The following ANKDD1A variants were observed in gnomAD, a reference collection of about 807,000 sequenced individuals.
ANKDD1A encodes ankyrin repeat and death domain containing 1A, also known as ankyrin repeat and death domain-containing protein 1A.
ANKDD1A carries 59 observed loss-of-function variants against 63.5 expected under a neutral mutation model. That is an observed-to-expected ratio of 0.93 (90% CI 0.75 to 1.15). ANKDD1A has a LOEUF of 1.15. Among genes scored for constraint, ANKDD1A ranks in the 50% most tolerant of loss-of-function variants. The pLI is 0.00. For synonymous variants in ANKDD1A, 266 were observed against 263.9 expected (o/e 1.01, Z -0.08); for missense variants, 632 against 656.4 (o/e 0.96, Z 0.41).
intron 9 of ANKDD1A, among the ~76,000 whole-genome samples, chr15:64,939,313 A>T (rs2085161333): frequency 6.6e-6 from 1 of 152,146 alleles, no homozygotes; most frequent in Non-Finnish European, 1.5e-5. Flanking sequence ...CAAAAAAGAC[A>T]GAAAAAGTTT....
At chr15:64,923,453 G>A (rs1205676134) in intron 4 of ANKDD1A, among the ~76,000 whole-genome samples, 1 of 152,124 alleles carries the variant, frequency 6.6e-6, no homozygotes, top group East Asian at 1.9e-4. Context: ...TTGTAAGCCT[G>A]TGTATTTGAT....
At chr15:64,953,000 A>ACTT (rs2085328180) in intron 14 of ANKDD1A, among the ~76,000 whole-genome samples, 1 of 11,170 alleles carries the variant, frequency 9.0e-5, no homozygotes. Context: ...TCTCCTTCTT[A>ACTT]GTTCTTTCTT....
intron 6 of ANKDD1A, among the ~76,000 whole-genome samples, chr15:64,928,724 A>G (rs1293311557): frequency 6.6e-6 from 1 of 152,236 alleles, no homozygotes; most frequent in Non-Finnish European, 1.5e-5. Flanking sequence ...GTTGCTGTCA[A>G]GGCCTCACAG....
chr15:64,946,653 C>T (rs1251996981), intron 12 of ANKDD1A, among the ~76,000 whole-genome samples: 1 of 152,174 alleles, frequency 6.6e-6, no homozygotes, highest in Non-Finnish European at 1.5e-5. Flanking sequence ...ATCAGTGGTT[C>T]TTAAAGTTCC....
intron 9 of ANKDD1A, among the ~76,000 whole-genome samples, chr15:64,939,486 G>A (rs994191211): frequency 1.3e-5 from 2 of 152,080 alleles, no homozygotes; most frequent in African/African-American, 2.4e-5. Context: ...CTGGAGGCAC[G>A]TGCCTGTAGT....
chr15:64,921,145 G>A (rs185482615), intron 3 of ANKDD1A, among the ~76,000 whole-genome samples: 3 of 151,468 alleles, frequency 2.0e-5, no homozygotes, highest in Non-Finnish European at 4.4e-5. Flanking sequence ...TTATTTTTAC[G>A]AAAATGTCTG....
At chr15:64,943,761 CCT>C (rs2085203527) in intron 11 of ANKDD1A, 179 bp downstream of exon 11, 1 of 631,142 alleles carries the variant, frequency 1.6e-6, no homozygotes, top group East Asian at 2.7e-5. Flanking sequence ...ACCACCTTCC[CCT>C]CTCTCTACTA....
Position 64,912,445 on chromosome 15 carries a change from G to A in ANKDD1A, c.34+481G>A, listed in dbSNP as rs997724410. Among the ~76,000 whole-genome samples, 6 of 152,330 alleles carry A rather than the reference G, an allele frequency of 3.9e-5. No individual in the cohort carries two copies. The Middle Eastern group carries it at 0.01, about 259-fold the overall frequency. On this transcript the variant is annotated intron_variant, in intron 1 of 14. Coordinates refer to ENST00000319580, the MANE Select transcript of ANKDD1A (RefSeq NM_182703.6). ...GGCCCAGCTCACCCGGAATGCTGGG[G>A]CTGGATAGCGAGTGGAGACCGCATC...
rs1039987203 is a variant in ANKDD1A at position 64,957,446 on chromosome 15, C to T, written c.*258C>T. Reference sequence around the variant, plus strand: ...ACCTTGAAATTACAAAAATTATTTTCAGTTTTCCAAAATTCTATCTTTAAA... The same window carrying T: ...ACCTTGAAATTACAAAAATTATTTTTAGTTTTCCAAAATTCTATCTTTAAA... On this transcript the variant is annotated 3_prime_UTR_variant, in exon 15 of 15. Coordinates refer to ENST00000319580, the MANE Select transcript of ANKDD1A (RefSeq NM_182703.6). 1 of 144,310 alleles carries T rather than the reference C, an allele frequency of 6.9e-6. No individual in the cohort carries two copies. Among genetic ancestry groups the T allele is most frequent in the Admixed American group, 7.9e-5 (1 of 12,720 alleles). The allele number at this position is 144,310 out of a possible 1,614,324, so 8.9% of individuals were successfully genotyped here. A position where few individuals can be genotyped will look rare whatever the true frequency, so the allele number is the denominator to read the frequency against.
chr15:64,925,227 C>CAAAAA (rs769786433), intron 4 of ANKDD1A, among the ~76,000 whole-genome samples: 27 of 42,512 alleles, frequency 6.4e-4, no homozygotes, highest in Non-Finnish European at 7.2e-4. Context: ...GACTCCGACT[C>CAAAAA]AAAAAAAAAA....
At position 64,953,445 on chromosome 15, in the gene ANKDD1A, C is replaced by CCTT. The variant is rs2085339980; in HGVS notation, c.1483+3473_1483+3474insCTT. On this transcript the variant is annotated intron_variant, in intron 14 of 14. Coordinates refer to ENST00000319580, the MANE Select transcript of ANKDD1A (RefSeq NM_182703.6). ...CTTCTTCTTCCTCCTCCTTCCTTTT[C>CCTT]TTCTTTCTTCTCTCCTTCTTCTTCT... Among the ~76,000 whole-genome samples, 33 of 98,724 alleles carry CCTT rather than the reference C, an allele frequency of 3.3e-4. 1 individual carries two copies. Among genetic ancestry groups the CCTT allele is most frequent in the South Asian group, 2.3e-3 (5 of 2,150 alleles). 64.8% of individuals were successfully genotyped at this position (98,724 alleles called of 152,430 possible).
intron 2 of ANKDD1A, 106 bp downstream of exon 2, chr15:64,916,006 G>C: frequency 9.1e-7 from 1 of 1,093,774 alleles, no homozygotes; most frequent in South Asian, 1.5e-5. Flanking sequence ...ACATTTGCAT[G>C]TGTAAACTTG....
chr15:64,953,536 C>CT (rs1566917605), intron 14 of ANKDD1A, among the ~76,000 whole-genome samples: 9 of 8,284 alleles, frequency 1.1e-3, no homozygotes, highest in Non-Finnish European at 1.8e-3. Flanking sequence ...TTCTTCTCCT[C>CT]TCCTTCTTCC....
chr15:64,954,853 CTT>C (rs2085399419), intron 14 of ANKDD1A, among the ~76,000 whole-genome samples: 1 of 81,106 alleles, frequency 1.2e-5, no homozygotes, highest in South Asian at 6.9e-4. Context: ...CTTCCTTCTT[CTT>C]CTTTCTTCTC....
At chr15:64,949,274 G>A (rs1054770336) in intron 13 of ANKDD1A, among the ~76,000 whole-genome samples, 1 of 152,204 alleles carries the variant, frequency 6.6e-6, no homozygotes, top group African/African-American at 2.4e-5. Flanking sequence ...TTTTGAAACC[G>A]TTAAATGCCT....
At chr15:64,934,363 C>G in intron 9 of ANKDD1A, 129 bp downstream of exon 9, 1 of 715,224 alleles carries the variant, frequency 1.4e-6, no homozygotes. Context: ...GTAGGGGAGC[C>G]GGCAGCACTT....
intron 4 of ANKDD1A, among the ~76,000 whole-genome samples, chr15:64,924,177 G>A (rs1281057926): frequency 6.6e-6 from 1 of 152,242 alleles, no homozygotes; most frequent in African/African-American, 2.4e-5. Context: ...CTGCAGGAAG[G>A]GTTGGAATGT....
At chr15:64,939,677 G>A (rs894547376) in intron 9 of ANKDD1A, among the ~76,000 whole-genome samples, 10 of 152,250 alleles carry the variant, frequency 6.6e-5, no homozygotes, top group African/African-American at 2.2e-4. Context: ...CACAAAGAAG[G>A]GTGGGAAGAC....
chr15:64,956,808 C>A (rs2085421164), intron 14 of ANKDD1A, among the ~76,000 whole-genome samples: 1 of 152,176 alleles, frequency 6.6e-6, no homozygotes, highest in Non-Finnish European at 1.5e-5. Flanking sequence ...CCACCTCAGC[C>A]TCCCAAAGTG....
Sources: gnomAD v4.1 joint callset for allele counts (sites outside exome capture counted in the v4.1 genomes callset) on GRCh38, gnomAD v4.1.1 for gene constraint, MANE v1.5 for transcripts, NCBI Gene and HGNC (gene_info 2026-07-23, HGNC 2026-07-21) for gene names.